Variants in ANTXR1 observed in about 807,000 individuals in gnomAD.
ANTXR1 encodes anthrax toxin receptor 1.
A neutral mutation model predicts 78.1 loss-of-function variants in ANTXR1; 19 were observed. The ratio of observed to expected loss-of-function variants is 0.24; its 90% CI spans 0.17 to 0.36. ANTXR1 has a LOEUF of 0.36. ANTXR1 is among the 10% of genes least tolerant of loss of function. The probability of loss-of-function intolerance (pLI) is 1.00; values close to 1 mark genes in which losing one functional copy is unlikely to be tolerated. For synonymous variants in ANTXR1, 273 were observed against 260.5 expected, an observed-to-expected ratio of 1.05 and a Z score of -0.46; for missense variants, 518 against 718.6, an observed-to-expected ratio of 0.72 and a Z score of 3.19.
At chr2:69,084,598 T>G (rs1040468458) in intron 8 of ANTXR1, among the ~76,000 whole-genome samples, 304 of 149,616 alleles carry the variant, frequency 2.0e-3, no homozygotes, top group Middle Eastern at 6.8e-3. Flanking sequence ...AAAGTTTTTT[T>G]TTTTTTTTTT....
At chr2:69,061,767 A>G (rs1054600165) in intron 3 of ANTXR1, among the ~76,000 whole-genome samples, 1 of 152,352 alleles carries the variant, frequency 6.6e-6, no homozygotes, top group South Asian at 2.1e-4. Flanking sequence ...AATGTTTTTA[A>G]GATAAGAGAT....
At chr2:69,077,120 C>A (rs1334065258) in intron 7 of ANTXR1, 2 of 490,930 alleles carry the variant, frequency 4.1e-6, no homozygotes, top group Non-Finnish European at 7.4e-6. Flanking sequence ...CATATCAACC[C>A]AGGCCAAGCG....
intron 12 of ANTXR1, among the ~76,000 whole-genome samples, chr2:69,151,248 G>A (rs558604294): frequency 7.4e-6 from 1 of 135,342 alleles, no homozygotes; most frequent in East Asian, 2.3e-4. Context: ...CTGGAGTGCA[G>A]TGGTGATTAT....
chr2:69,050,130 C>G (rs776746080), intron 3 of ANTXR1, among the ~76,000 whole-genome samples: 3 of 151,784 alleles, frequency 2.0e-5, no homozygotes, highest in Non-Finnish European at 4.4e-5. Context: ...CCCATCTCTA[C>G]AAAAAATAAA....
intron 10 of ANTXR1, among the ~76,000 whole-genome samples, chr2:69,120,508 A>G (rs1672310940): frequency 6.6e-6 from 1 of 151,970 alleles, no homozygotes; most frequent in South Asian, 2.1e-4. Flanking sequence ...TACTAAAAAA[A>G]TATATAGAAA....
chr2:69,219,501 AT>A (rs1169948467), intron 17 of ANTXR1, among the ~76,000 whole-genome samples: 1 of 151,118 alleles, frequency 6.6e-6, no homozygotes, highest in African/African-American at 2.4e-5. Flanking sequence ...TGCATTCACC[AT>A]TTTTTTGTAT....
intron 12 of ANTXR1, chr2:69,134,911 A>T (rs900152397): frequency 3.9e-6 from 1 of 259,504 alleles, no homozygotes; most frequent in African/African-American, 2.2e-5. Context: ...CAGTCTCCAT[A>T]GAGCCATACA....
chr2:69,155,280 C>A (rs565099264), intron 13 of ANTXR1, among the ~76,000 whole-genome samples: 7 of 152,322 alleles, frequency 4.6e-5, no homozygotes, highest in African/African-American at 1.7e-4. Flanking sequence ...TCCTCAGTAT[C>A]GCCAGGTGGA....
In ANTXR1 at chr2:69,181,923, A is replaced by G. The variant is rs755384435; in HGVS notation, c.1185+42A>G. On this transcript the variant is annotated intron_variant, in intron 15 of 17. Coordinates refer to ENST00000303714, the MANE Select transcript of ANTXR1 (RefSeq NM_032208.3). ...ATATACACTTATCTATGTGCTGACT[A>G]CTCCCATCGAGGTACCAGCCGGGCC... is the stretch of plus-strand genomic sequence containing the variant. The G allele has an allele frequency of 1.5e-5, 24 of 1,597,712 alleles. 1 individual carries two copies. In the South Asian group the frequency reaches 2.5e-4, roughly 17 times the overall value.
chr2:69,066,312 TAG>T (rs1431106603), intron 3 of ANTXR1, among the ~76,000 whole-genome samples: 1 of 152,168 alleles, frequency 6.6e-6, no homozygotes, highest in Non-Finnish European at 1.5e-5. Flanking sequence ...TTTATTTTTT[TAG>T]AGACGGAGTT....
rs148934505 is a variant in ANTXR1 at position 69,193,343 on chromosome 2, C to T, written c.1362C>T (p.Leu454=). The change falls in exon 17 of 18, where the codon CTC becomes CTT. Residue 454 remains leucine (L), a synonymous_variant. Transcript: ENST00000303714. The stretch of plus-strand genomic sequence containing the variant: ...CATTTGTTTTATTTCAGGGAAAACT[C>T]GATGCCTTGTGGGTCCTACTGAGGA... ...RKWYSPIKGK[L]DALWVLLRKG... 3.6e-5 allele frequency: 58 copies of T among 1,613,804 alleles called. No homozygotes were observed. In the African/African-American group the frequency reaches 6.3e-4, roughly 17 times the overall value.
chr2:69,083,744 T>TC (rs1190596192), intron 8 of ANTXR1, among the ~76,000 whole-genome samples: 1 of 152,096 alleles, frequency 6.6e-6, no homozygotes, highest in Non-Finnish European at 1.5e-5. Context: ...TCTTGTAAAA[T>TC]CCCCTCAGCC....
chr2:69,182,385 C>G (rs1418254340), intron 15 of ANTXR1, 108 bp from the exon 16 acceptor site: 4 of 1,352,106 alleles, frequency 3.0e-6, no homozygotes, highest in Non-Finnish European at 4.1e-6. Context: ...CAAAGGAATC[C>G]AGGGTTGGGT....
intron 12 of ANTXR1, chr2:69,146,461 G>C (rs1224064565): frequency 1.2e-6 from 1 of 844,630 alleles, no homozygotes; most frequent in African/African-American, 1.8e-5. Context: ...ACGTGTGGCT[G>C]TTTGCTGTTT....
At chr2:69,235,530 T>C (rs971986351) in intron 17 of ANTXR1, among the ~76,000 whole-genome samples, 1 of 151,316 alleles carries the variant, frequency 6.6e-6, no homozygotes, top group Non-Finnish European at 1.5e-5. Context: ...TGCATTCCTG[T>C]AGTCCCAGCT....
At chr2:69,043,129 G>C (rs12465994) in intron 2 of ANTXR1, among the ~76,000 whole-genome samples, 5 of 152,088 alleles carry the variant, frequency 3.3e-5, no homozygotes, top group Non-Finnish European at 5.9e-5. Flanking sequence ...TTGACAGAAG[G>C]GGAGCAGTAT....
At chr2:69,196,857 C>G (rs1573970117) in intron 17 of ANTXR1, among the ~76,000 whole-genome samples, 1 of 152,228 alleles carries the variant, frequency 6.6e-6, no homozygotes, top group African/African-American at 2.4e-5. Context: ...GTTCCTGTCT[C>G]CTTCATCCTC....
intron 3 of ANTXR1, among the ~76,000 whole-genome samples, chr2:69,058,132 G>A (rs1293352784): frequency 6.6e-6 from 1 of 152,202 alleles, no homozygotes; most frequent in Non-Finnish European, 1.5e-5. Flanking sequence ...AGGCAAAGTA[G>A]CAAGTGCTGA....
chr2:69,136,706 T>C (rs150925639), intron 12 of ANTXR1, among the ~76,000 whole-genome samples: 3 of 152,244 alleles, frequency 2.0e-5, no homozygotes, highest in African/African-American at 7.2e-5. Flanking sequence ...TAGCCAAGCA[T>C]AGAACACAGG....
Sources: allele counts gnomAD v4.1 joint callset (sites outside exome capture counted in the v4.1 genomes callset), GRCh38; gene constraint gnomAD v4.1.1; transcripts MANE v1.5; gene names NCBI Gene and HGNC (gene_info 2026-07-23, HGNC 2026-07-21).